Variants in SLC8A1 observed in about 807,000 individuals in gnomAD.
SLC8A1 encodes the protein solute carrier family 8 member A1.
Under a neutral mutation model 68.3 loss-of-function variants are expected in SLC8A1, and 18 were observed. That is an observed-to-expected ratio of 0.26 (90% CI 0.18 to 0.39). The LOEUF (loss-of-function observed/expected upper bound fraction) is 0.39, where lower values mean the gene tolerates loss of function less well. SLC8A1 is among the 10% of genes least tolerant of loss of function. The pLI is 1.00. For missense variants in SLC8A1, 985 were observed against 1,156.7 expected, an observed-to-expected ratio of 0.85 and a Z score of 2.15; for synonymous variants, 475 against 415.5, an observed-to-expected ratio of 1.14 and a Z score of -1.74.
chr2:40,430,023 G>A, exon 2 of SLC8A1: 1 of 1,613,842 alleles, frequency 6.2e-7, no homozygotes, highest in Non-Finnish European at 8.5e-7. Flanking sequence ...GAAACATGTA[G>A]ACCATGGCCA....
At chr2:40,304,392 CTA>C (rs1365163106) in intron 2 of SLC8A1, among the ~76,000 whole-genome samples, 3 of 152,156 alleles carry the variant, frequency 2.0e-5, no homozygotes, top group African/African-American at 7.2e-5. Flanking sequence ...TCTGGAATCC[CTA>C]TGTTAATTAC....
At chr2:40,154,312 T>C (rs2044011924) in intron 6 of SLC8A1, among the ~76,000 whole-genome samples, 1 of 137,162 alleles carries the variant, frequency 7.3e-6, no homozygotes, top group Non-Finnish European at 1.6e-5. Flanking sequence ...TTTTTTTTTT[T>C]TTTTTTTTTG....
At chr2:40,326,287 C>T (rs1277616880) in intron 2 of SLC8A1, among the ~76,000 whole-genome samples, 1 of 152,036 alleles carries the variant, frequency 6.6e-6, no homozygotes, top group Non-Finnish European at 1.5e-5. Flanking sequence ...TGCTGCTAAA[C>T]CTCCTACTTT....
chr2:40,428,397 A>G (rs1446100428), intron 2 of SLC8A1, 76 bp downstream of exon 2: 17 of 1,427,014 alleles, frequency 1.2e-5, no homozygotes, highest in Non-Finnish European at 1.6e-5. Context: ...AATGATGCAC[A>G]GACTCACATT....
At chr2:40,239,640 A>C (rs1413583530) in intron 2 of SLC8A1, among the ~76,000 whole-genome samples, 1 of 152,198 alleles carries the variant, frequency 6.6e-6, no homozygotes, top group Non-Finnish European at 1.5e-5. Flanking sequence ...CAACTGGTGC[A>C]TTCTACTCCA....
exon 8 of SLC8A1, chr2:40,113,842 C>G (rs1227255714): frequency 1.3e-5 from 2 of 152,656 alleles, no homozygotes; most frequent in African/African-American, 4.8e-5. Context: ...TTTTAGAGGC[C>G]TCTGATGTGT....
chr2:40,409,872 A>G (rs1212650151), intron 2 of SLC8A1, among the ~76,000 whole-genome samples: 1 of 152,098 alleles, frequency 6.6e-6, no homozygotes, highest in Admixed American at 6.6e-5. Flanking sequence ...CTGCCAACCA[A>G]CCAATTAATC....
At chr2:40,363,375 A>G (rs964000601) in intron 2 of SLC8A1, among the ~76,000 whole-genome samples, 3 of 152,110 alleles carry the variant, frequency 2.0e-5, no homozygotes, top group Admixed American at 2.0e-4. Context: ...ACTAACATTT[A>G]CTTAAACAGT....
exon 8 of SLC8A1, chr2:40,110,276 C>T (rs2034479470): frequency 6.6e-6 from 1 of 152,146 alleles, no homozygotes; most frequent in Admixed American, 6.5e-5. Context: ...CAATTGTTTA[C>T]CCTTCCTATG....
At chr2:40,487,100 G>C (rs1705019307) in intron 1 of SLC8A1, among the ~76,000 whole-genome samples, 2 of 151,824 alleles carry the variant, frequency 1.3e-5, no homozygotes, top group East Asian at 1.9e-4. Flanking sequence ...AGCAGAAGTT[G>C]GTATTGTTTA....
intron 2 of SLC8A1, among the ~76,000 whole-genome samples, chr2:40,269,915 C>T (rs550090346): frequency 6.6e-6 from 1 of 152,196 alleles, no homozygotes; most frequent in Non-Finnish European, 1.5e-5. Context: ...CTAAAGTCTT[C>T]AAGGGCATAT....
At chr2:40,414,242 C>G (rs1232953508) in intron 2 of SLC8A1, among the ~76,000 whole-genome samples, 1 of 152,084 alleles carries the variant, frequency 6.6e-6, no homozygotes, top group Non-Finnish European at 1.5e-5. Flanking sequence ...ATCTTAAGAC[C>G]AAAACTCTGG....
At chr2:40,211,464 T>C (rs1402231035) in intron 2 of SLC8A1, among the ~76,000 whole-genome samples, 2 of 152,146 alleles carry the variant, frequency 1.3e-5, no homozygotes, top group Non-Finnish European at 2.9e-5. Flanking sequence ...GCTGAAGTGA[T>C]AGTCATTATG....
In SLC8A1 at chr2:40,424,860, T is replaced by C. The variant is rs1017303561; in HGVS notation, c.1808+3613A>G. On this transcript the variant is annotated intron_variant, in intron 2 of 7. Coordinates refer to ENST00000406785, the Ensembl canonical transcript of SLC8A1. Reference sequence around the variant, plus strand: ...TTGATTTGTATCTACATTAGTTAATTAGCCTTATCATTTTTCCAAAACAGT... The same window carrying C: ...TTGATTTGTATCTACATTAGTTAATCAGCCTTATCATTTTTCCAAAACAGT... 3.9e-5 allele frequency among the ~76,000 whole-genome samples: 6 copies of C among 151,994 alleles called. No individual in the cohort carries two copies. The East Asian group carries it at 7.7e-4, about 20-fold the overall frequency.
intron 2 of SLC8A1, among the ~76,000 whole-genome samples, chr2:40,383,450 G>C (rs1682569248): frequency 6.6e-6 from 1 of 151,948 alleles, no homozygotes; most frequent in Non-Finnish European, 1.5e-5. Flanking sequence ...TCATATTTTG[G>C]TAGAGAGCAT....
At chr2:40,193,989 C>T (rs1405280421) in intron 2 of SLC8A1, among the ~76,000 whole-genome samples, 1 of 152,086 alleles carries the variant, frequency 6.6e-6, no homozygotes, top group Non-Finnish European at 1.5e-5. Context: ...TTAGAGAAAA[C>T]AAGTTGAAAT....
chr2:40,314,623 T>G (rs1223204113), intron 2 of SLC8A1, among the ~76,000 whole-genome samples: 4 of 152,054 alleles, frequency 2.6e-5, no homozygotes, highest in Admixed American at 1.3e-4. Context: ...TATGATGTTT[T>G]CTGACCTGTG....
chr2:40,251,613 C>G (rs576925467), intron 2 of SLC8A1: 1 of 152,120 alleles, frequency 6.6e-6, no homozygotes, highest in Non-Finnish European at 1.5e-5. Flanking sequence ...CAATTTGATA[C>G]GCTGTGCAAG....
intron 1 of SLC8A1, among the ~76,000 whole-genome samples, chr2:40,493,253 C>A (rs960300064): frequency 6.7e-6 from 1 of 150,056 alleles, no homozygotes; most frequent in East Asian, 2.0e-4. Context: ...GAACAAAAAA[C>A]CAAACACCGC....
Sources: gnomAD v4.1 joint callset for allele counts (sites outside exome capture counted in the v4.1 genomes callset) on GRCh38, gnomAD v4.1.1 for gene constraint, MANE v1.5 for transcripts, NCBI Gene and HGNC (gene_info 2026-07-23, HGNC 2026-07-21) for gene names.